The following CUX1 variants were observed in gnomAD, a reference collection of about 807,000 sequenced individuals.
The protein encoded by CUX1 is protein CASP.
In CUX1, 31 loss-of-function variants were observed where a neutral mutation model predicts 158.8. That is an observed-to-expected ratio of 0.20 (90% CI 0.15 to 0.26). The LOEUF (loss-of-function observed/expected upper bound fraction) is 0.26, where lower values mean the gene tolerates loss of function less well. Among genes scored for constraint, CUX1 ranks in the 10% least tolerant of loss-of-function variants. The pLI is 1.00. For synonymous variants in CUX1, 879 were observed against 862.1 expected, an observed-to-expected ratio of 1.02 and a Z score of -0.34; for missense variants, 1,589 against 2,014.6, an observed-to-expected ratio of 0.79 and a Z score of 4.04.
At chr7:101,836,480 C>A (rs1584706995) in intron 1 of CUX1, among the ~76,000 whole-genome samples, 1 of 152,016 alleles carries the variant, frequency 6.6e-6, no homozygotes, top group African/African-American at 2.4e-5. Flanking sequence ...TTCCCCCAAC[C>A]CCACCTGCCC....
chr7:102,254,750 G>A lies in CUX1; in HGVS notation c.*5708G>A, dbSNP rs1315590706. On this transcript the variant is annotated 3_prime_UTR_variant, in exon 24 of 24. Coordinates refer to ENST00000292535, the MANE Select transcript of CUX1 (RefSeq NM_181552.4). ...CACAAGGGCAGGGCTTGTGCCCTGA[G>A]TGGCGAGGTGGTGACCTGAGGCCAG... 2.2e-5 allele frequency: 22 copies of A among 985,392 alleles called. No individual in the cohort carries two copies. Among genetic ancestry groups the A allele is most frequent in the Non-Finnish European group, 2.7e-5 (22 of 829,974 alleles). The allele number at this position is 985,392 out of a possible 1,614,324, so 61.0% of individuals were successfully genotyped here. A position where few individuals can be genotyped will look rare whatever the true frequency, so the allele number is the denominator to read the frequency against.
At position 102,204,480 on chromosome 7, in the gene CUX1, C is replaced by T. The variant is rs782704510; in HGVS notation, c.2997C>T (p.Phe999=). Residue 999 remains phenylalanine, a synonymous_variant, in exon 19 of 24, where the codon TTC becomes TTT. Coordinates refer to ENST00000292535, the MANE Select transcript of CUX1 (RefSeq NM_181552.4). ...TGACGCAGAAAGGCCGAGAACCCTT[C>T]ATCCGGATGCAGCTCTGGCTGAACG... ...SKLTQKGREP[F]IRMQLWLNGE... 2.5e-6 allele frequency: 4 copies of T among 1,613,832 alleles called. No individual in the cohort carries two copies. The Admixed American group carries it at 5.0e-5, about 20-fold the overall frequency.
intron 6 of CUX1, 24 bp from the exon 7 acceptor site, chr7:102,111,674 T>C (rs782726587): frequency 6.2e-7 from 1 of 1,611,986 alleles, no homozygotes; most frequent in Non-Finnish European, 8.5e-7. Context: ...ATGACCAATT[T>C]GGCTTCGTCC....
chr7:102,271,245 T>G (rs1388016451), intron 14 of CUX1, among the ~76,000 whole-genome samples: 2 of 152,198 alleles, frequency 1.3e-5, no homozygotes, highest in African/African-American at 4.8e-5. Context: ...TTGTTGGAGC[T>G]TAACGCCCTC....
intron 2 of CUX1, among the ~76,000 whole-genome samples, chr7:102,003,321 CACACACACACACA>C (rs1816929792): frequency 1.3e-5 from 2 of 151,466 alleles, no homozygotes; most frequent in African/African-American, 4.9e-5. Context: ...CACACACACA[CACACACACACACA>C]CGCCCGCCCC....
intron 2 of CUX1, among the ~76,000 whole-genome samples, chr7:101,939,867 G>A (rs1807482233): frequency 6.6e-6 from 1 of 152,010 alleles, no homozygotes; most frequent in Admixed American, 6.6e-5. Context: ...TGGATCAGGA[G>A]GTCAGGAGTT....
upstream of CUX1, chr7:101,817,308 T>TC: frequency 1.0e-6 from 1 of 983,808 alleles, no homozygotes; most frequent in African/African-American, 1.8e-5. The surrounding 1 kb of genome is among the most constrained non-coding windows in gnomAD (Gnocchi z 4.1). Flanking sequence ...TTGCGTCCCC[T>TC]CGGGGCTTCT....
rs1789921171 is a variant in CUX1 at position 102,256,630 on chromosome 7, A to G, written c.*7588A>G. 3 of 985,418 alleles carry G rather than the reference A, an allele frequency of 3.0e-6. No homozygotes were observed. Among genetic ancestry groups the G allele is most frequent in the African/African-American group, 3.5e-5 (2 of 57,340 alleles). The allele number at this position is 985,418 out of a possible 1,614,324, so 61.0% of individuals were successfully genotyped here. On this transcript the variant is annotated 3_prime_UTR_variant, in exon 24 of 24. Coordinates refer to ENST00000292535, the MANE Select transcript of CUX1 (RefSeq NM_181552.4). ...TGTTTATGAACAAAAAAATTTACCAACGTGTGAGGGAGTTGCTGAGTTGAA... is the reference window on the plus strand; with the variant it reads ...TGTTTATGAACAAAAAAATTTACCAGCGTGTGAGGGAGTTGCTGAGTTGAA...
In CUX1 at chr7:102,254,853, T is replaced by C. The variant is rs1789718440; in HGVS notation, c.*5811T>C. 2.0e-6 allele frequency: 2 copies of C among 985,308 alleles called. No homozygotes were observed. Among genetic ancestry groups the C allele is most frequent in the Non-Finnish European group, 2.4e-6 (2 of 829,946 alleles). 61.0% of individuals were successfully genotyped at this position (985,308 alleles called of 1,614,324 possible). ...TCGAACGCTAAGAGAATGGTCCAAT[T>C]TGATGATCTTATTTCTATTTCGATC... On this transcript the variant is annotated 3_prime_UTR_variant, in exon 24 of 24. Coordinates refer to ENST00000292535, the MANE Select transcript of CUX1 (RefSeq NM_181552.4).
intron 4 of CUX1, among the ~76,000 whole-genome samples, chr7:102,082,881 G>A (rs1190354251): frequency 6.8e-6 from 1 of 147,446 alleles, no homozygotes; most frequent in Non-Finnish European, 1.5e-5. Flanking sequence ...GGTTGGTTGT[G>A]GGTATTATGA....
At chr7:102,179,337 T>C (rs925036344) in intron 11 of CUX1, among the ~76,000 whole-genome samples, 2 of 152,226 alleles carry the variant, frequency 1.3e-5, no homozygotes, top group African/African-American at 4.8e-5. Context: ...TCTGAGCCTC[T>C]GCACCCGGCT....
chr7:102,168,929 TTTTATTTTC>T (rs1791400229), intron 9 of CUX1, among the ~76,000 whole-genome samples: 1 of 41,030 alleles, frequency 2.4e-5, no homozygotes, highest in Non-Finnish European at 5.5e-5. Flanking sequence ...TTTTCTTTTC[TTTTATTTTC>T]TTTTTTTTTT....
intron 1 of CUX1, among the ~76,000 whole-genome samples, chr7:101,865,351 A>G (rs1797839659): frequency 6.6e-6 from 1 of 152,258 alleles, no homozygotes; most frequent in East Asian, 1.9e-4. Flanking sequence ...ATGTGTGTGC[A>G]CATGACCTTT....
chr7:101,816,871 C>T (rs887078173), upstream of CUX1: 6 of 975,182 alleles, frequency 6.2e-6, no homozygotes, highest in Non-Finnish European at 7.3e-6. Context: ...CTGTCACCGG[C>T]CCGGGCCGCG....
chr7:101,889,812 A>C (rs962823105), intron 1 of CUX1, among the ~76,000 whole-genome samples: 1 of 152,220 alleles, frequency 6.6e-6, no homozygotes, highest in African/African-American at 2.4e-5. Flanking sequence ...GTGCAGGTAA[A>C]GTGTTCAGGA....
intron 23 of CUX1, among the ~76,000 whole-genome samples, chr7:102,243,130 C>T (rs529954644): frequency 6.6e-6 from 1 of 151,856 alleles, no homozygotes; most frequent in Non-Finnish European, 1.5e-5. Context: ...AAAAATTAGC[C>T]AGGTGTGGTG....
At chr7:101,914,337 A>G (rs1466388133) in intron 1 of CUX1, among the ~76,000 whole-genome samples, 1 of 141,542 alleles carries the variant, frequency 7.1e-6, no homozygotes, top group African/African-American at 2.7e-5. Flanking sequence ...TAAAGTGTCT[A>G]CGATTCCTTC....
At chr7:102,050,684 T>TTTATTA (rs149429897) in intron 3 of CUX1, among the ~76,000 whole-genome samples, 6,924 of 147,500 alleles carry the variant, frequency 0.047, 217 homozygotes, top group African/African-American at 0.088. Flanking sequence ...GTGAATTCTT[T>TTTATTA]TTATTATTAT....
downstream of CUX1, among the ~76,000 whole-genome samples, chr7:102,261,790 G>A (rs2132738738): frequency 6.6e-6 from 1 of 152,192 alleles, no homozygotes; most frequent in African/African-American, 2.4e-5. Flanking sequence ...ACTTCCTAGT[G>A]CTTCTGTTTC....
Sources: allele counts gnomAD v4.1 joint callset (sites outside exome capture counted in the v4.1 genomes callset), GRCh38; gene constraint gnomAD v4.1.1; non-coding constraint Gnocchi (gnomAD v3.1); transcripts MANE v1.5; gene names NCBI Gene and HGNC (gene_info 2026-07-23, HGNC 2026-07-21).